CLIC4: variants seen among roughly 807,000 people sequenced by gnomAD.
CLIC4 encodes chloride intracellular channel protein 4.
CLIC4 carries 13 observed loss-of-function variants against 24.6 expected under a neutral mutation model. That is an observed-to-expected ratio of 0.53 (90% confidence interval 0.34 to 0.84). CLIC4 has a LOEUF of 0.84. CLIC4 is among the 40% of genes least tolerant of loss of function. CLIC4 has a pLI of 0.01. For synonymous variants in CLIC4, 104 were observed against 111.3 expected (o/e 0.93, Z 0.41); for missense variants, 227 against 301.7 (o/e 0.75, Z 1.83).
At chr1:24,784,823 G>C (rs1639245941) in intron 1 of CLIC4, among the ~76,000 whole-genome samples, 2 of 151,996 alleles carry the variant, frequency 1.3e-5, no homozygotes, top group Admixed American at 1.3e-4. Context: ...GGCTAACCTG[G>C]TGAAACCCCA....
At chr1:24,839,056 G>A (rs1019508139) in intron 4 of CLIC4, among the ~76,000 whole-genome samples, 1 of 152,110 alleles carries the variant, frequency 6.6e-6, no homozygotes, top group Non-Finnish European at 1.5e-5. Flanking sequence ...TGAATTATAA[G>A]ACAGTTTTGA....
intron 1 of CLIC4, among the ~76,000 whole-genome samples, chr1:24,754,578 G>A (rs1222091660): frequency 6.6e-6 from 1 of 152,152 alleles, no homozygotes; most frequent in African/African-American, 2.4e-5. Context: ...CGCTTGCATA[G>A]AGAATGGAAA....
intron 4 of CLIC4, among the ~76,000 whole-genome samples, chr1:24,838,450 G>A (rs575486824): frequency 6.6e-6 from 1 of 152,240 alleles, no homozygotes; most frequent in East Asian, 1.9e-4. Context: ...TACCATGAAG[G>A]GACCAAGGGC....
Position 24,806,499 on chromosome 1 carries a change from G to A in CLIC4, c.183-7595G>A, listed in dbSNP as rs556410205. Among the ~76,000 whole-genome samples, 7 of 152,102 alleles carry A rather than the reference G, an allele frequency of 4.6e-5. No individual in the cohort carries two copies. The South Asian group carries it at 1.0e-3, about 23-fold the overall frequency. ...GTTAATCCTTGGAAACAGTTTTATC[G>A]CTTTATTTATTTAAAAAAATATATA... On this transcript the variant is annotated intron_variant, in intron 2 of 5. Coordinates refer to ENST00000374379, the MANE Select transcript of CLIC4 (RefSeq NM_013943.3).
chr1:24,818,453 ATTTTT>A (rs1480725582), intron 3 of CLIC4, among the ~76,000 whole-genome samples: 26 of 152,052 alleles, frequency 1.7e-4, no homozygotes, highest in African/African-American at 6.0e-4. Flanking sequence ...TGCCTGGCTA[ATTTTT>A]GTATTTTTAG....
chr1:24,832,223 A>T (rs1389879308), intron 4 of CLIC4, among the ~76,000 whole-genome samples: 21 of 7,004 alleles, frequency 3.0e-3, no homozygotes, highest in Admixed American at 3.4e-3. Flanking sequence ...TTTATTTTTT[A>T]TTTTTTTTTT....
rs372726009 is a variant in CLIC4, at chr1:24,820,267, CT to C, written c.308+6073del. On this transcript the variant is annotated intron_variant, in intron 3 of 5. Coordinates refer to ENST00000374379, the MANE Select transcript of CLIC4 (RefSeq NM_013943.3). ...TCCCACTTCTAGGTCCCTTTTTGGT[CT>C]TTTTTTTTTTTTTTTTTTTTTTTTG... 8.7e-3 allele frequency among the ~76,000 whole-genome samples: 433 copies of C among 49,746 alleles called. 2 individuals are homozygous for C. The highest frequency in any genetic ancestry group is 0.036 in the African/African-American group (395 of 11,090). 32.6% of individuals were successfully genotyped at this position (49,746 alleles called of 152,430 possible).
At chr1:24,773,395 ACTACAGTATAATGTG>A (rs1219949860) in intron 1 of CLIC4, among the ~76,000 whole-genome samples, 1 of 152,138 alleles carries the variant, frequency 6.6e-6, no homozygotes, top group Non-Finnish European at 1.5e-5. Context: ...TCTAGTTTAT[ACTACAGTATAATGTG>A]TATACCCTTA....
chr1:24,775,224 C>CTTTTTTTTTTTTTTTTATTTTTTTTTTTT (rs1639120087), intron 1 of CLIC4, among the ~76,000 whole-genome samples: 1 of 90,664 alleles, frequency 1.1e-5, no homozygotes, highest in Non-Finnish European at 2.1e-5. Flanking sequence ...TTCTTTCTTT[C>CTTTTTTTTTTTTTTTTATTTTTTTTTTTT]TTTTTTTTTT....
intron 1 of CLIC4, among the ~76,000 whole-genome samples, chr1:24,794,021 A>G (rs1412870683): frequency 6.6e-6 from 1 of 151,720 alleles, no homozygotes; most frequent in Non-Finnish European, 1.5e-5. Flanking sequence ...TAGCAATGTC[A>G]GAACGTTCTC....
chr1:24,823,678 G>A (rs185661105), intron 3 of CLIC4, among the ~76,000 whole-genome samples: 196 of 150,516 alleles, frequency 1.3e-3, no homozygotes, highest in African/African-American at 4.4e-3. Context: ...GGAGGCTGAG[G>A]CAGGAGAATC....
intron 1 of CLIC4, among the ~76,000 whole-genome samples, chr1:24,784,737 A>G (rs1639244317): frequency 6.6e-6 from 1 of 152,162 alleles, no homozygotes; most frequent in Admixed American, 6.5e-5. Flanking sequence ...AGCTGGACAC[A>G]TAGTAATTCT....
At chr1:24,827,997 G>C (rs542625580) in intron 4 of CLIC4, among the ~76,000 whole-genome samples, 49 of 152,206 alleles carry the variant, frequency 3.2e-4, no homozygotes, top group Non-Finnish European at 4.7e-4. Context: ...CATAGTTCCA[G>C]ATAGTTTCCT....
At position 24,792,160 on chromosome 1, in the gene CLIC4, G is replaced by A. The variant is rs181806249; in HGVS notation, c.73-5582G>A. On this transcript the variant is annotated intron_variant, in intron 1 of 5. Transcript: ENST00000374379. ...TGTATATATATGTATTTATATGTAT[G>A]TGTATATGTGTATGTGTGTGTATAT... Among the ~76,000 whole-genome samples the A allele has an allele frequency of 8.0e-5, 12 of 150,846 alleles. No individual in the cohort carries two copies. The South Asian group carries it at 1.3e-3, about 16-fold the overall frequency.
At chr1:24,813,465 C>T (rs933928644) in intron 2 of CLIC4, among the ~76,000 whole-genome samples, 1 of 152,104 alleles carries the variant, frequency 6.6e-6, no homozygotes, top group East Asian at 1.9e-4. Flanking sequence ...GTCACCTAGG[C>T]TGGAGTGCAG....
chr1:24,827,162 A>C (rs1203845216), intron 4 of CLIC4, 46 bp downstream of exon 4: 1 of 1,150,574 alleles, frequency 8.7e-7, no homozygotes, highest in Admixed American at 1.9e-5. Flanking sequence ...AAAACCCCAA[A>C]CAACAACAGG....
At chr1:24,769,243 C>T (rs933924635) in intron 1 of CLIC4, among the ~76,000 whole-genome samples, 2 of 152,138 alleles carry the variant, frequency 1.3e-5, no homozygotes, top group Non-Finnish European at 2.9e-5. Context: ...TATCACTATA[C>T]AGAATAAACA....
At chr1:24,809,510 G>A (rs1639590198) in intron 2 of CLIC4, among the ~76,000 whole-genome samples, 3 of 152,000 alleles carry the variant, frequency 2.0e-5, no homozygotes, top group South Asian at 2.1e-4. Context: ...TCACTCTGTC[G>A]CCCAGGCTGA....
At chr1:24,785,854 C>CAAAAAAAAAAAAAAAAAAAAAAAAA (rs61009244) in intron 1 of CLIC4, among the ~76,000 whole-genome samples, 4 of 58,846 alleles carry the variant, frequency 6.8e-5, no homozygotes, top group East Asian at 5.0e-4. Flanking sequence ...GACTACAACT[C>CAAAAAAAAAAAAAAAAAAAAAAAAA]AAAAAAAAAA....
Sources: allele counts gnomAD v4.1 joint callset (sites outside exome capture counted in the v4.1 genomes callset), GRCh38; gene constraint gnomAD v4.1.1; transcripts MANE v1.5; gene names NCBI Gene and HGNC (gene_info 2026-07-23, HGNC 2026-07-21).